The following CABIN1 variants were observed in gnomAD, a reference collection of about 807,000 sequenced individuals.
CABIN1 encodes the protein calcineurin-binding protein cabin-1.
In CABIN1, 133 loss-of-function variants were observed where a neutral mutation model predicts 227.7. The ratio of observed to expected loss-of-function variants is 0.58; its 90% CI spans 0.51 to 0.67. The LOEUF (loss-of-function observed/expected upper bound fraction) is 0.67, where lower values mean the gene tolerates loss of function less well. Ranked by LOEUF, CABIN1 falls within the 30% of genes least tolerant of loss-of-function variation. The pLI is 0.00. For synonymous variants in CABIN1, 1,086 were observed against 1,155.1 expected (o/e 0.94, Z 1.21); for missense variants, 2,408 against 2,852.5 (o/e 0.84, Z 3.55).
chr22:24,159,405 G>A (rs927009588), intron 29 of CABIN1, among the ~76,000 whole-genome samples: 1 of 152,248 alleles, frequency 6.6e-6, no homozygotes, highest in African/African-American at 2.4e-5. Context: ...TGGACAACCT[G>A]GGTGAGCTGG....
intron 8 of CABIN1, among the ~76,000 whole-genome samples, chr22:24,051,773 A>C (rs1206886010): frequency 6.6e-6 from 1 of 151,882 alleles, no homozygotes; most frequent in African/African-American, 2.4e-5. Flanking sequence ...CAACGGGGAG[A>C]GCAACATCTC....
chr22:24,016,443 C>T (rs2035291071), intron 1 of CABIN1, among the ~76,000 whole-genome samples: 1 of 152,128 alleles, frequency 6.6e-6, no homozygotes. Context: ...TTGCTATGAA[C>T]ATTGCCTCAT....
At chr22:24,139,918 C>A (rs552927415) in intron 29 of CABIN1, among the ~76,000 whole-genome samples, 1 of 152,394 alleles carries the variant, frequency 6.6e-6, no homozygotes, top group South Asian at 2.1e-4. Context: ...TCAGGCAAAG[C>A]CTTGGCCCTG....
chr22:24,170,238 C>T, intron 33 of CABIN1: 2 of 437,678 alleles, frequency 4.6e-6, no homozygotes, highest in Non-Finnish European at 9.3e-6. Context: ...GGCTAGCTGC[C>T]ATCCTCTGGT....
intron 3 of CABIN1, among the ~76,000 whole-genome samples, chr22:24,037,507 A>G (rs943447337): frequency 2.0e-5 from 3 of 151,822 alleles, no homozygotes; most frequent in African/African-American, 4.8e-5. Context: ...GGGTCTCTCT[A>G]TGTGGCCCAG....
chr22:24,082,593 C>G (rs2040879697), intron 19 of CABIN1, among the ~76,000 whole-genome samples: 1 of 152,138 alleles, frequency 6.6e-6, no homozygotes. Context: ...CCAGTTTTGG[C>G]AAAAATCTCA....
intron 1 of CABIN1, among the ~76,000 whole-genome samples, chr22:24,018,923 AC>A (rs1249708127): frequency 2.0e-5 from 3 of 152,100 alleles, no homozygotes; most frequent in Non-Finnish European, 2.9e-5. Flanking sequence ...GTTCAAGTTA[AC>A]TTTAGTGTCT....
chr22:24,113,785 G>A (rs1406937692), intron 27 of CABIN1, 37 bp downstream of exon 27: 1 of 1,609,416 alleles, frequency 6.2e-7, no homozygotes, highest in African/African-American at 1.3e-5. Flanking sequence ...GAACCACTTT[G>A]ATGTCCTGTG....
chr22:24,084,993 T>C lies in CABIN1; in HGVS notation c.3118-13T>C. On this transcript the variant is annotated splice_polypyrimidine_tract_variant and intron_variant, in intron 21 of 36. Coordinates refer to ENST00000263119, the MANE Select transcript of CABIN1 (RefSeq NM_012295.4). ...ACTCCACCTCCCCTCATACTTTTCC[T>C]CTCACCTGCCAGGTACCCTGCCTCC... 1 of 1,614,220 alleles carries C rather than the reference T, an allele frequency of 6.2e-7. No individual in the cohort carries two copies. Among genetic ancestry groups the C allele is most frequent in the Non-Finnish European group, 8.5e-7 (1 of 1,180,034 alleles).
chr22:24,033,622 C>A (rs915725906), intron 1 of CABIN1, among the ~76,000 whole-genome samples: 8 of 152,186 alleles, frequency 5.3e-5, no homozygotes, highest in Admixed American at 5.2e-4. Context: ...TTGGTAGTGT[C>A]CATATCCCCA....
intron 4 of CABIN1, 81 bp downstream of exon 4, chr22:24,038,542 T>TG: frequency 1.1e-6 from 1 of 947,696 alleles, no homozygotes; most frequent in East Asian, 2.4e-5. Context: ...GCCTTACCTC[T>TG]GCTCTCCCAT....
intron 1 of CABIN1, among the ~76,000 whole-genome samples, chr22:24,021,173 TTTTA>T (rs898942531): frequency 1.3e-4 from 19 of 151,700 alleles, no homozygotes; most frequent in African/African-American, 3.1e-4. Context: ...CTAATTTTTA[TTTTA>T]TTTATTTATT....
chr22:24,041,527 C>T (rs1364235491), intron 5 of CABIN1, among the ~76,000 whole-genome samples: 11 of 152,106 alleles, frequency 7.2e-5, no homozygotes, highest in East Asian at 1.9e-4. Flanking sequence ...GCTCAGTGCA[C>T]GTGTGGCTGT....
intron 17 of CABIN1, among the ~76,000 whole-genome samples, chr22:24,071,757 T>C (rs2040101921): frequency 6.6e-6 from 1 of 152,192 alleles, no homozygotes; most frequent in Admixed American, 6.5e-5. Flanking sequence ...CTCCAGGTTG[T>C]GTGTCACTTA....
intron 31 of CABIN1, 95 bp from the exon 32 acceptor site, chr22:24,166,544 G>A: frequency 1.4e-6 from 2 of 1,473,892 alleles, no homozygotes; most frequent in Admixed American, 3.4e-5. Context: ...GATGTCAGGT[G>A]GGAGAGGCCC....
intron 15 of CABIN1, 50 bp downstream of exon 15, chr22:24,064,237 C>G: frequency 6.3e-7 from 1 of 1,597,126 alleles, no homozygotes; most frequent in Non-Finnish European, 8.6e-7. Context: ...TGGAGTTTCA[C>G]TTTTGTCGCC....
chr22:24,080,455 A>C (rs1377772545), intron 19 of CABIN1, among the ~76,000 whole-genome samples: 1 of 152,258 alleles, frequency 6.6e-6, no homozygotes, highest in Non-Finnish European at 1.5e-5. Context: ...GATTGGAATA[A>C]CATTGACCTC....
chr22:24,153,085 A>T (rs959741502), intron 29 of CABIN1, among the ~76,000 whole-genome samples: 1 of 152,182 alleles, frequency 6.6e-6, no homozygotes, highest in African/African-American at 2.4e-5. Flanking sequence ...TAGCTCTGGG[A>T]TCTGGGCCTT....
chr22:24,015,566 G>A (rs868662903), intron 1 of CABIN1, among the ~76,000 whole-genome samples: 2 of 151,568 alleles, frequency 1.3e-5, no homozygotes, highest in South Asian at 2.1e-4. Context: ...GGATGGTCTC[G>A]ATCTTCTGAC....
Sources: allele counts gnomAD v4.1 joint callset (sites outside exome capture counted in the v4.1 genomes callset), GRCh38; gene constraint gnomAD v4.1.1; transcripts MANE v1.5; gene names NCBI Gene and HGNC (gene_info 2026-07-23, HGNC 2026-07-21).